Variants in DYM observed in about 807,000 individuals in gnomAD.
DYM encodes the protein dyggve-Melchior-Clausen syndrome protein.
DYM carries 78 observed loss-of-function variants against 93.1 expected under a neutral mutation model. That is an observed-to-expected ratio of 0.84 (90% CI 0.70 to 1.01). DYM has a LOEUF of 1.01. Ranked by LOEUF, DYM falls within the 50% of genes least tolerant of loss-of-function variation. The probability of loss-of-function intolerance (pLI) is 0.00; values close to 1 mark genes in which losing one functional copy is unlikely to be tolerated. For missense variants in DYM, 789 were observed against 845.0 expected, an observed-to-expected ratio of 0.93 and a Z score of 0.82; for synonymous variants, 321 against 319.7, an observed-to-expected ratio of 1.00 and a Z score of -0.04.
intron 6 of DYM, 56 bp downstream of exon 6, chr18:49,363,105 G>T (rs2066180024): frequency 2.2e-6 from 3 of 1,383,722 alleles, no homozygotes; most frequent in South Asian, 1.2e-5. Context: ...CATGATCAAT[G>T]ATTATCTGCC....
At chr18:49,265,266 C>A (rs1043531447) in intron 11 of DYM, among the ~76,000 whole-genome samples, 2 of 152,152 alleles carry the variant, frequency 1.3e-5, no homozygotes, top group Non-Finnish European at 2.9e-5. Flanking sequence ...ACATGTGTGA[C>A]TGAATCCTGC....
intron 8 of DYM, among the ~76,000 whole-genome samples, chr18:49,305,419 T>G (rs930065583): frequency 6.6e-6 from 1 of 152,176 alleles, no homozygotes; most frequent in Non-Finnish European, 1.5e-5. Context: ...TATTGTTCTC[T>G]TTAAACTTCT....
intron 2 of DYM, among the ~76,000 whole-genome samples, chr18:49,423,406 G>A (rs1026478958): frequency 4.6e-5 from 7 of 152,092 alleles, no homozygotes; most frequent in Non-Finnish European, 1.0e-4. Context: ...TGTGTAGAGG[G>A]AAATTTATAG....
chr18:49,332,038 T>G (rs2063343901), intron 7 of DYM, 32 bp from the exon 8 acceptor site: 5 of 1,599,184 alleles, frequency 3.1e-6, no homozygotes, highest in Non-Finnish European at 4.3e-6. Context: ...ATCAAACTCA[T>G]ATTTATGGGA....
At chr18:49,140,346 T>A (rs1310451783) in intron 15 of DYM, among the ~76,000 whole-genome samples, 2 of 152,182 alleles carry the variant, frequency 1.3e-5, no homozygotes, top group Non-Finnish European at 2.9e-5. Context: ...TATACATACT[T>A]GCAAGGAGTA....
At chr18:49,420,294 A>T (rs1283881281) in intron 2 of DYM, among the ~76,000 whole-genome samples, 1 of 150,986 alleles carries the variant, frequency 6.6e-6, no homozygotes, top group Admixed American at 6.6e-5. Flanking sequence ...CAGCCTCCCG[A>T]GTAGCTGGGA....
At chr18:49,061,816 C>T (rs1325251089) in intron 17 of DYM, among the ~76,000 whole-genome samples, 3 of 152,330 alleles carry the variant, frequency 2.0e-5, no homozygotes, top group Admixed American at 1.3e-4. Flanking sequence ...GAAATGAATC[C>T]AAGAGCTTCC....
intron 6 of DYM, among the ~76,000 whole-genome samples, chr18:49,337,100 T>C (rs1477849286): frequency 6.6e-6 from 1 of 152,202 alleles, no homozygotes; most frequent in Non-Finnish European, 1.5e-5. Context: ...CCTTCCTTAA[T>C]AGATCCATCA....
chr18:49,173,806 T>G (rs1436804384), intron 14 of DYM, among the ~76,000 whole-genome samples: 2 of 152,118 alleles, frequency 1.3e-5, no homozygotes, highest in Non-Finnish European at 2.9e-5. Context: ...ATTTAAAAGA[T>G]AGTTCTAAAT....
At chr18:49,113,258 G>A (rs1320049195) in intron 16 of DYM, among the ~76,000 whole-genome samples, 1 of 152,094 alleles carries the variant, frequency 6.6e-6, no homozygotes, top group African/African-American at 2.4e-5. Flanking sequence ...ACTATACAAT[G>A]GTTATAGTTC....
At chr18:49,051,239 T>C (rs951011593) in intron 17 of DYM, among the ~76,000 whole-genome samples, 2 of 152,236 alleles carry the variant, frequency 1.3e-5, no homozygotes, top group African/African-American at 4.8e-5. Context: ...AACAACTCAC[T>C]TAACCTTTTG....
chr18:49,185,966 G>A (rs16950415), intron 14 of DYM, among the ~76,000 whole-genome samples: 1 of 151,988 alleles, frequency 6.6e-6, no homozygotes, highest in Non-Finnish European at 1.5e-5. Flanking sequence ...AGTTTTTAAA[G>A]GATTATTACG....
intron 15 of DYM, among the ~76,000 whole-genome samples, chr18:49,159,163 C>A (rs762626543): frequency 5.9e-5 from 9 of 152,042 alleles, no homozygotes; most frequent in Non-Finnish European, 1.3e-4. Flanking sequence ...AAACATTGTA[C>A]AAAACAATTG....
chr18:49,052,925 C>A (rs1213897143), intron 17 of DYM, among the ~76,000 whole-genome samples: 1 of 152,184 alleles, frequency 6.6e-6, no homozygotes, highest in Non-Finnish European at 1.5e-5. Context: ...CAAGCTCAGG[C>A]TACTTTGGTG....
At chr18:49,342,764 A>T (rs1481988651) in intron 6 of DYM, among the ~76,000 whole-genome samples, 1 of 152,214 alleles carries the variant, frequency 6.6e-6, no homozygotes, top group East Asian at 1.9e-4. Context: ...ACACTGTGTT[A>T]CAACTGCCTA....
intron 16 of DYM, among the ~76,000 whole-genome samples, chr18:49,117,790 C>T (rs1301695882): frequency 6.6e-6 from 1 of 152,168 alleles, no homozygotes; most frequent in Non-Finnish European, 1.5e-5. Flanking sequence ...CTTCAGTGCT[C>T]TCCTTTGGTT....
chr18:49,453,694 T>A (rs1486094483), intron 1 of DYM, among the ~76,000 whole-genome samples: 3 of 152,182 alleles, frequency 2.0e-5, no homozygotes, highest in Admixed American at 6.5e-5. Context: ...TGTTGTAGAA[T>A]TTGCTTAATT....
At chr18:49,456,470 A>G (rs2082995720) in intron 1 of DYM, among the ~76,000 whole-genome samples, 2 of 152,206 alleles carry the variant, frequency 1.3e-5, no homozygotes, top group Non-Finnish European at 1.5e-5. Context: ...GAAATTTGTC[A>G]TCGATCATAT....
chr18:49,274,112 A>T (rs1314795691), intron 10 of DYM, among the ~76,000 whole-genome samples: 1 of 152,006 alleles, frequency 6.6e-6, no homozygotes, highest in Admixed American at 6.6e-5. Context: ...AACTTGAAAA[A>T]TTTCATTATC....
Sources: allele counts gnomAD v4.1 joint callset (sites outside exome capture counted in the v4.1 genomes callset), GRCh38; gene constraint gnomAD v4.1.1; transcripts MANE v1.5; gene names NCBI Gene and HGNC (gene_info 2026-07-23, HGNC 2026-07-21).